The following IL31RA variants were observed in gnomAD, a reference collection of about 807,000 sequenced individuals.
IL31RA encodes the protein interleukin 31 receptor A, also known as interleukin-31 receptor subunit alpha.
In IL31RA, 66 loss-of-function variants were observed where a neutral mutation model predicts 83.7. That is an observed-to-expected ratio of 0.79 (90% CI 0.65 to 0.97). IL31RA has a LOEUF of 0.97. IL31RA is among the 50% of genes least tolerant of loss of function. The pLI is 0.00. For synonymous variants in IL31RA, 325 were observed against 329.0 expected (o/e 0.99, Z 0.13); for missense variants, 798 against 919.4 (o/e 0.87, Z 1.71).
chr5:55,866,268 T>A (rs1746039186), intron 2 of IL31RA, among the ~76,000 whole-genome samples: 1 of 152,122 alleles, frequency 6.6e-6, no homozygotes, highest in Non-Finnish European at 1.5e-5. Flanking sequence ...ATAGAGTTGG[T>A]GCTTAGTGGA....
chr5:55,915,529 C>A (rs1181757342), intron 14 of IL31RA, among the ~76,000 whole-genome samples: 1 of 152,170 alleles, frequency 6.6e-6, no homozygotes, highest in African/African-American at 2.4e-5. Context: ...TTCTTGCTTA[C>A]GTAGAAACAA....
At chr5:55,908,630 G>T in intron 11 of IL31RA, 3 of 1,545,424 alleles carry the variant, frequency 1.9e-6, no homozygotes, top group Non-Finnish European at 2.6e-6. Flanking sequence ...TGAGAGGAGA[G>T]TCCTGAGGAA....
intron 2 of IL31RA, among the ~76,000 whole-genome samples, chr5:55,867,145 GTGCATGTGTGTT>G (rs1746132328): frequency 6.7e-6 from 1 of 148,702 alleles, no homozygotes; most frequent in Non-Finnish European, 1.5e-5. Context: ...GCATGTGTGT[GTGCATGTGTGTT>G]TGTGTGTGTG....
chr5:55,867,139 G>GTGTGTGTGTGCA (rs1746130805), intron 2 of IL31RA, among the ~76,000 whole-genome samples: 2 of 51,446 alleles, frequency 3.9e-5, no homozygotes, highest in African/African-American at 1.4e-4. Flanking sequence ...GTGTGTGCAT[G>GTGTGTGTGTGCA]TGTGTGTGCA....
intron 6 of IL31RA, among the ~76,000 whole-genome samples, chr5:55,890,490 C>T (rs1747917605): frequency 6.6e-6 from 1 of 152,192 alleles, no homozygotes; most frequent in African/African-American, 2.4e-5. Context: ...GTGCCTCAGC[C>T]TCCCAAGTAG....
rs755336880 is a variant in IL31RA, at chr5:55,907,459, C to G, written c.1353C>G (p.Gly451=). 1 of 1,597,180 alleles carries G rather than the reference C, an allele frequency of 6.3e-7. No individual in the cohort carries two copies. Among genetic ancestry groups the G allele is most frequent in the Non-Finnish European group, 8.6e-7 (1 of 1,164,454 alleles). ...CCATCCAGGCTTATGCCAAAGAAGGCGGTATGAATGGACAAGACCCTGTGG... is the reference window on the plus strand; with the variant it reads ...CCATCCAGGCTTATGCCAAAGAAGGGGGTATGAATGGACAAGACCCTGTGG... ...PYSIQAYAKE[G]VPSEGPETKV... The change falls in exon 10 of 15, where the codon GGC becomes GGG. Residue 451 remains glycine, a splice_region_variant and synonymous_variant. Coordinates refer to ENST00000652347, the MANE Select transcript of IL31RA (RefSeq NM_139017.7).
chr5:55,890,676 A>G (rs1397774507), intron 6 of IL31RA, among the ~76,000 whole-genome samples: 2 of 152,228 alleles, frequency 1.3e-5, no homozygotes, highest in African/African-American at 4.8e-5. Flanking sequence ...CGCCAGTATC[A>G]TATCATCTGA....
intron 5 of IL31RA, among the ~76,000 whole-genome samples, chr5:55,885,861 C>A (rs1289343439): frequency 6.6e-6 from 1 of 152,166 alleles, no homozygotes; most frequent in East Asian, 1.9e-4. Context: ...ATAGCACAAG[C>A]TCCTCTTCAT....
In IL31RA at chr5:55,889,984, C is replaced by T. The variant is rs139299832; in HGVS notation, c.621C>T (p.Phe207=). 45 of 1,613,942 alleles carry T rather than the reference C, an allele frequency of 2.8e-5. 1 individual carries two copies. The highest frequency in any genetic ancestry group is 2.7e-4 in the African/African-American group (20 of 74,910). ...VNSTSWMEVN[F]AKNRKDKNQT... is the part of the protein sequence containing the mutation. Reference sequence around the variant, plus strand: ...CTGTCTTGTAGATGGAAGTCAACTTCGCTAAGAACCGTAAGGATAAAAACC... The same window carrying T: ...CTGTCTTGTAGATGGAAGTCAACTTTGCTAAGAACCGTAAGGATAAAAACC... The change falls in exon 6 of 15, where the codon TTC becomes TTT. Residue 207 remains phenylalanine, a synonymous_variant. Coordinates refer to ENST00000652347, the MANE Select transcript of IL31RA (RefSeq NM_139017.7).
Position 55,907,477 on chromosome 5 carries a change from C to T in IL31RA, c.1354+17C>T. 1 of 1,529,188 alleles carries T rather than the reference C, an allele frequency of 6.5e-7. No individual in the cohort carries two copies. Among genetic ancestry groups the T allele is most frequent in the South Asian group, 1.1e-5 (1 of 89,424 alleles). 94.7% of individuals were successfully genotyped at this position (1,529,188 alleles called of 1,614,324 possible). ...AAGAAGGCGGTATGAATGGACAAGA[C>T]CCTGTGGGGAAAAGGAAACAGTGTG... On this transcript the variant is annotated intron_variant, in intron 10 of 14. Coordinates refer to ENST00000652347, the MANE Select transcript of IL31RA (RefSeq NM_139017.7).
At chr5:55,881,084 C>T (rs1322152443) in intron 4 of IL31RA, among the ~76,000 whole-genome samples, 1 of 151,984 alleles carries the variant, frequency 6.6e-6, no homozygotes, top group Non-Finnish European at 1.5e-5. Context: ...GGGCGGATCA[C>T]GAGGTCAGGA....
At position 55,922,352 on chromosome 5, in the gene IL31RA, G is replaced by A; in HGVS notation, c.*5232G>A. 1 of 1,526,444 alleles carries A rather than the reference G, an allele frequency of 6.6e-7. No homozygotes were observed. 94.6% of individuals were successfully genotyped at this position (1,526,444 alleles called of 1,614,324 possible). On this transcript the variant is annotated 3_prime_UTR_variant, in exon 15 of 15. Transcript: ENST00000652347. Reference sequence around the variant, plus strand: ...TGCTGTCAGCAATGCTCTCGTGGCTGTTCAAGGGAAGTGAGATACTTGTAC... The same window carrying A: ...TGCTGTCAGCAATGCTCTCGTGGCTATTCAAGGGAAGTGAGATACTTGTAC...
chr5:55,879,753 A>G (rs899688435), intron 4 of IL31RA, among the ~76,000 whole-genome samples: 1 of 143,920 alleles, frequency 6.9e-6, no homozygotes, highest in East Asian at 2.0e-4. Context: ...TTTTTTTTCA[A>G]TGTTTTCATG....
At position 55,917,942 on chromosome 5, in the gene IL31RA, C is replaced by T. The variant is rs1749885935; in HGVS notation, c.*822C>T. 6.6e-6 allele frequency among the ~76,000 whole-genome samples: 1 copy of T among 152,236 alleles called. No individual in the cohort carries two copies. Among genetic ancestry groups the T allele is most frequent in the Non-Finnish European group, 1.5e-5 (1 of 68,044 alleles). ...CATATAGGGACGCTGGCCCCTCACACTGGTTCAGAGCCCAGGAATGCTTAC... is the reference window on the plus strand; with the variant it reads ...CATATAGGGACGCTGGCCCCTCACATTGGTTCAGAGCCCAGGAATGCTTAC... On this transcript the variant is annotated 3_prime_UTR_variant, in exon 15 of 15. Transcript: ENST00000652347.
At chr5:55,907,536 C>A (rs1482334647) in intron 10 of IL31RA, 76 bp downstream of exon 10, 10 of 951,988 alleles carry the variant, frequency 1.1e-5, no homozygotes, top group Non-Finnish European at 1.7e-5. Flanking sequence ...CTGCAAGTGC[C>A]TGTAGCTCAT....
intron 1 of IL31RA, among the ~76,000 whole-genome samples, chr5:55,851,938 T>C (rs775343352): frequency 1.2e-4 from 18 of 152,200 alleles, no homozygotes; most frequent in Non-Finnish European, 1.5e-4. Flanking sequence ...TGGTTCTATA[T>C]CTTTGCCATA....
Position 55,919,044 on chromosome 5 carries a change from G to A in IL31RA, c.*1924G>A, listed in dbSNP as rs755228862. 1.2e-4 allele frequency among the ~76,000 whole-genome samples: 18 copies of A among 152,062 alleles called. No individual in the cohort carries two copies. The highest frequency in any genetic ancestry group is 2.2e-4 in the Non-Finnish European group (15 of 68,024). ...CTCCCTGTTCTCCACCCCTTCTATG[G>A]TGTGGGCTCTTCTGTGAGCCCACTG... On this transcript the variant is annotated 3_prime_UTR_variant, in exon 15 of 15. Coordinates refer to ENST00000652347, the MANE Select transcript of IL31RA (RefSeq NM_139017.7).
chr5:55,840,396 G>A, the IL31RA span, among the ~76,000 whole-genome samples: 7 of 152,222 alleles, frequency 4.6e-5, no homozygotes, highest in Non-Finnish European at 8.8e-5. Context: ...AGAGGAATCA[G>A]TTGTATCAAG....
chr5:55,848,830 C>G (rs561664520), upstream of IL31RA, among the ~76,000 whole-genome samples: 1 of 152,320 alleles, frequency 6.6e-6, no homozygotes, highest in Admixed American at 6.5e-5. Context: ...ATCCATTTAT[C>G]TATCTTAGAA....
Sources: gnomAD v4.1 joint callset for allele counts (sites outside exome capture counted in the v4.1 genomes callset) on GRCh38, gnomAD v4.1.1 for gene constraint, MANE v1.5 for transcripts, NCBI Gene and HGNC (gene_info 2026-07-23, HGNC 2026-07-21) for gene names.